The following ADGRE2 variants were observed in gnomAD, a reference collection of about 807,000 sequenced individuals.
ADGRE2 encodes the protein CD97 antigen.
ADGRE2 carries 83 observed loss-of-function variants against 100.8 expected under a neutral mutation model. The ratio of observed to expected loss-of-function variants is 0.82; its 90% CI spans 0.69 to 0.99. The LOEUF (loss-of-function observed/expected upper bound fraction) is 0.99, where lower values mean the gene tolerates loss of function less well. Among genes scored for constraint, ADGRE2 ranks in the 50% least tolerant of loss-of-function variants. The pLI, the probability that ADGRE2 is intolerant of heterozygous loss-of-function variation, is 0.00. For missense variants in ADGRE2, 814 were observed against 1,035.7 expected, an observed-to-expected ratio of 0.79 and a Z score of 2.94; for synonymous variants, 355 against 413.0, an observed-to-expected ratio of 0.86 and a Z score of 1.70.
chr19:14,746,949 G>C lies in ADGRE2; in HGVS notation c.2038C>G (p.Pro680Ala). 6.2e-7 allele frequency: 1 copy of C among 1,612,490 alleles called. No individual in the cohort carries two copies. Among genetic ancestry groups the C allele is most frequent in the Non-Finnish European group, 8.5e-7 (1 of 1,179,462 alleles). ...YGTPSRCWLQPEKGFIWGFLG... is the reference protein window; with the variant it reads ...YGTPSRCWLQAEKGFIWGFLG... ...AAGCCCCATATAAATCCCTTTTCTG[G>C]TTGGAGCCAGCAGCTGAAAAAAGAG... The change falls in exon 17 of 21, where the codon CCA becomes GCA. Residue 680 changes from proline to alanine, a missense_variant. Pro to Ala is a conservative substitution (Grantham distance 27). Around this residue, in one of 5 missense-constraint regions of ADGRE2, gnomAD observed 569 missense variants for 692.7 expected, o/e 0.82. Transcript: ENST00000315576.
At chr19:14,725,191 C>T in the ADGRE2 span, among the ~76,000 whole-genome samples, 5 of 152,018 alleles carry the variant, frequency 3.3e-5, no homozygotes, top group Admixed American at 2.6e-4. Flanking sequence ...TTTTAAACAA[C>T]CAGATCTCGC....
chr19:14,736,125 T>G lies in ADGRE2; in HGVS notation c.*111A>C. ...AACATCCTTCATATTGCTGACATGG[T>G]GAATTTCTTGAAACACACAGAACAA... On this transcript the variant is annotated 3_prime_UTR_variant, in exon 21 of 21. Transcript: ENST00000315576. The G allele has an allele frequency of 9.8e-7, 1 of 1,019,098 alleles. No homozygotes were observed. Among genetic ancestry groups the G allele is most frequent in the Non-Finnish European group, 1.5e-6 (1 of 672,828 alleles). The allele number at this position is 1,019,098 out of a possible 1,614,324, so 63.1% of individuals were successfully genotyped here.
intron 1 of ADGRE2, 48 bp from the exon 2 acceptor site, chr19:14,776,975 T>TACAC: frequency 3.1e-6 from 2 of 640,898 alleles, no homozygotes; most frequent in South Asian, 2.3e-5. Flanking sequence ...CCAGGGGCGC[T>TACAC]GCACACACAC....
chr19:14,736,689 G>T (rs978604384), intron 20 of ADGRE2, among the ~76,000 whole-genome samples: 68 of 141,820 alleles, frequency 4.8e-4, no homozygotes, highest in East Asian at 2.8e-3. Flanking sequence ...GAAATATATA[G>T]ATATTTAGAA....
chr19:14,773,230 AG>A (rs1011682501), intron 4 of ADGRE2, among the ~76,000 whole-genome samples: 116 of 150,414 alleles, frequency 7.7e-4, no homozygotes, highest in African/African-American at 2.6e-3. Flanking sequence ...CTCTCTCTCC[AG>A]GAAGCCATGC....
chr19:14,752,521 C>G lies in ADGRE2; in HGVS notation c.1596G>C (p.Glu532Asp). 3 of 1,614,046 alleles carry G rather than the reference C, an allele frequency of 1.9e-6. No individual in the cohort carries two copies. The highest frequency in any genetic ancestry group is 1.6e-4 in the Middle Eastern group (1 of 6,062). Reference protein sequence around the residue: ...VLMAHYDVQEEDPVLTVITYM... With the variant: ...VLMAHYDVQEDDPVLTVITYM... ...AGGTGATGACAGTCAGCACGGGATC[C>G]TCCTCCTGGGACCCGGAAAAGAAGA... The change falls in exon 15 of 21, where the codon GAG becomes GAC. Residue 532 changes from glutamate to aspartate, a missense_variant. Glu to Asp is a conservative substitution (Grantham distance 45). This residue lies in a region of ADGRE2 where 569 missense variants were observed against 692.7 expected (regional missense o/e 0.82). Transcript: ENST00000315576.
At chr19:14,768,129 A>G (rs993444407) in intron 5 of ADGRE2, among the ~76,000 whole-genome samples, 3 of 152,216 alleles carry the variant, frequency 2.0e-5, no homozygotes, top group African/African-American at 4.8e-5. Flanking sequence ...CTGAGTTATC[A>G]GAATCCCGGT....
intron 5 of ADGRE2, chr19:14,769,016 G>C (rs1199789738): frequency 6.6e-6 from 1 of 152,246 alleles, no homozygotes; most frequent in East Asian, 1.9e-4. Flanking sequence ...ATAGCAGAGA[G>C]AATGGATACT....
At chr19:14,764,404 T>G in intron 11 of ADGRE2, 29 bp downstream of exon 11, 1 of 1,608,966 alleles carries the variant, frequency 6.2e-7, no homozygotes, top group Non-Finnish European at 8.5e-7. Flanking sequence ...CATGCAGAGC[T>G]GGAGTCTGGG....
intron 11 of ADGRE2, among the ~76,000 whole-genome samples, chr19:14,761,206 A>G (rs993930834): frequency 4.6e-5 from 7 of 152,214 alleles, no homozygotes; most frequent in South Asian, 4.1e-4. Context: ...CATCAAGACC[A>G]TCCTGGTTAA....
intron 5 of ADGRE2, among the ~76,000 whole-genome samples, chr19:14,767,440 C>T (rs1184438919): frequency 1.3e-5 from 2 of 152,054 alleles, no homozygotes; most frequent in East Asian, 1.9e-4. Flanking sequence ...GGGGTTTCAC[C>T]GTGTTAGCCA....
intron 1 of ADGRE2, 61 bp from the exon 2 acceptor site, chr19:14,776,988 A>G (rs1037181003): frequency 9.7e-6 from 13 of 1,337,100 alleles, no homozygotes; most frequent in South Asian, 1.7e-5. Context: ...ACACACACAC[A>G]CACACACACA....
rs1378528590 is a variant in ADGRE2, at chr19:14,735,368, G to A, written c.*868C>T. The A allele has an allele frequency of 6.6e-6, 1 of 152,072 alleles. No individual in the cohort carries two copies. The allele number at this position is 152,072 out of a possible 1,614,324, so 9.4% of individuals were successfully genotyped here. ...CCCTCCCAAAGTGCTAGGATTACAG[G>A]GCATGAACTGTGCCATACCCATCTT... On this transcript the variant is annotated 3_prime_UTR_variant, in exon 21 of 21. Transcript: ENST00000315576.
At chr19:14,776,408 T>C (rs2044441119) in intron 2 of ADGRE2, 1 of 313,222 alleles carries the variant, frequency 3.2e-6, no homozygotes, top group Non-Finnish European at 6.1e-6. Context: ...ACTCACTTTT[T>C]GCCCCTTTCC....
intron 2 of ADGRE2, chr19:14,776,449 G>A (rs1370277630): frequency 4.2e-6 from 2 of 472,484 alleles, no homozygotes; most frequent in African/African-American, 2.0e-5. Context: ...CCCTCTTATG[G>A]AGCAGATGCC....
downstream of ADGRE2, among the ~76,000 whole-genome samples, chr19:14,728,200 G>A (rs567990436): frequency 4.3e-4 from 65 of 152,294 alleles, no homozygotes; most frequent in Admixed American, 3.5e-3. Flanking sequence ...GCGACAGAGC[G>A]AGACTCCGTC....
At chr19:14,740,572 GAT>G (rs1172632619) in intron 20 of ADGRE2, among the ~76,000 whole-genome samples, 4 of 143,890 alleles carry the variant, frequency 2.8e-5, no homozygotes, top group African/African-American at 1.0e-4. Context: ...GGTGAGCTGA[GAT>G]AGCACCATTG....
chr19:14,728,225 T>C (rs1366911862), downstream of ADGRE2, among the ~76,000 whole-genome samples: 1 of 152,206 alleles, frequency 6.6e-6, no homozygotes, highest in Non-Finnish European at 1.5e-5. Context: ...AAAAAAATTT[T>C]TTTTTCAGAA....
At chr19:14,767,924 C>A (rs1198162805) in intron 5 of ADGRE2, among the ~76,000 whole-genome samples, 1 of 152,234 alleles carries the variant, frequency 6.6e-6, no homozygotes, top group Non-Finnish European at 1.5e-5. Flanking sequence ...GCTGGGCATC[C>A]ATATGCAGTC....
Sources: allele counts gnomAD v4.1 joint callset (sites outside exome capture counted in the v4.1 genomes callset), GRCh38; gene constraint gnomAD v4.1.1; regional missense constraint gnomAD v4.1.1; transcripts MANE v1.5; gene names NCBI Gene and HGNC (gene_info 2026-07-23, HGNC 2026-07-21).